Variants in SLC35F3 observed in about 807,000 individuals in gnomAD.
SLC35F3 encodes solute carrier family 35 member F3.
SLC35F3 carries 25 observed loss-of-function variants against 49.9 expected under a neutral mutation model. The ratio of observed to expected loss-of-function variants is 0.50; its 90% CI spans 0.37 to 0.70. The LOEUF (loss-of-function observed/expected upper bound fraction) is 0.70. Ranked by LOEUF, SLC35F3 falls within the 30% of genes least tolerant of loss-of-function variation. The pLI is 0.00. For missense variants in SLC35F3, 525 were observed against 639.8 expected (o/e 0.82, Z 1.94); for synonymous variants, 275 against 265.4 (o/e 1.04, Z -0.35).
intron 2 of SLC35F3, among the ~76,000 whole-genome samples, chr1:234,012,349 G>A (rs2102838264): frequency 6.6e-6 from 1 of 152,318 alleles, no homozygotes; most frequent in Non-Finnish European, 1.5e-5. Context: ...AACTGCAAGA[G>A]GCTTTCCTCT....
intron 2 of SLC35F3, among the ~76,000 whole-genome samples, chr1:233,959,130 G>A (rs10910316): frequency 0.2 from 31,006 of 151,926 alleles, 3,353 homozygotes; most frequent in East Asian, 0.37. Context: ...ATTGACCTTT[G>A]TGTGTTTGAG....
intron 2 of SLC35F3, among the ~76,000 whole-genome samples, chr1:233,993,177 G>T (rs988192401): frequency 1.3e-5 from 2 of 152,234 alleles, no homozygotes; most frequent in African/African-American, 4.8e-5. Flanking sequence ...ATGTTAGCCA[G>T]GCTGGTCTCG....
rs561959883 is a variant in SLC35F3 at position 234,139,566 on chromosome 1, G to A, written c.284-91851G>A. On this transcript the variant is annotated intron_variant, in intron 2 of 7. Coordinates refer to ENST00000366618, the MANE Select transcript of SLC35F3 (RefSeq NM_173508.4). ...CCCATGCGTAAAAAAGAATACAGTC[G>A]TCCCCACTTATCCTTGGTTTCACTT... is the stretch of plus-strand genomic sequence containing the variant. Among the ~76,000 whole-genome samples the A allele has an allele frequency of 1.6e-4, 25 of 152,104 alleles. 1 individual carries two copies. In the South Asian group the frequency reaches 5.0e-3, roughly 30 times the overall value.
chr1:234,002,023 C>T (rs184158706), intron 2 of SLC35F3, among the ~76,000 whole-genome samples: 10 of 152,324 alleles, frequency 6.6e-5, no homozygotes, highest in Admixed American at 2.0e-4. Flanking sequence ...TGTAGGAGGA[C>T]CAGCCTCTGC....
intron 2 of SLC35F3, among the ~76,000 whole-genome samples, chr1:234,112,700 C>T (rs1665426629): frequency 2.2e-5 from 3 of 134,728 alleles, no homozygotes; most frequent in African/African-American, 2.7e-5. Flanking sequence ...GGACTACAGG[C>T]GTCCGCCACC....
chr1:234,063,816 C>T (rs1362333791), intron 2 of SLC35F3, among the ~76,000 whole-genome samples: 1 of 152,116 alleles, frequency 6.6e-6, no homozygotes, highest in Non-Finnish European at 1.5e-5. Flanking sequence ...GCATGGAGGA[C>T]TAGGCAGAAA....
intron 2 of SLC35F3, among the ~76,000 whole-genome samples, chr1:234,168,983 G>T (rs1342669984): frequency 1.3e-5 from 2 of 152,178 alleles, no homozygotes; most frequent in Non-Finnish European, 2.9e-5. Flanking sequence ...AAGCTAGAGT[G>T]CTAGGAAAGC....
intron 2 of SLC35F3, among the ~76,000 whole-genome samples, chr1:233,970,495 A>T (rs1483047532): frequency 6.6e-6 from 1 of 152,176 alleles, no homozygotes; most frequent in Non-Finnish European, 1.5e-5. Flanking sequence ...AAGGACATGA[A>T]TTTAGGGGGC....
intron 2 of SLC35F3, among the ~76,000 whole-genome samples, chr1:234,221,750 A>T (rs1002613445): frequency 2.0e-5 from 3 of 152,200 alleles, no homozygotes; most frequent in Admixed American, 2.0e-4. Context: ...AGGACATTCA[A>T]GTGTCATTTT....
chr1:233,939,431 G>A (rs1433085290), intron 2 of SLC35F3, among the ~76,000 whole-genome samples: 1 of 152,154 alleles, frequency 6.6e-6, no homozygotes. Context: ...CTCCAGCCTG[G>A]GTGACAGAGC....
At chr1:234,221,581 C>T (rs1267922195) in intron 2 of SLC35F3, among the ~76,000 whole-genome samples, 1 of 152,158 alleles carries the variant, frequency 6.6e-6, no homozygotes. Flanking sequence ...GGACTGAAGA[C>T]TTGAAGAGGT....
At chr1:234,314,059 CAG>C (rs1253964340) in intron 4 of SLC35F3, among the ~76,000 whole-genome samples, 1 of 152,132 alleles carries the variant, frequency 6.6e-6, no homozygotes, top group African/African-American at 2.4e-5. Flanking sequence ...TGCTGATGTC[CAG>C]AGAGTGGAAG....
intron 2 of SLC35F3, among the ~76,000 whole-genome samples, chr1:234,206,619 A>G (rs577344128): frequency 4.6e-4 from 70 of 152,250 alleles, no homozygotes; most frequent in African/African-American, 1.6e-3. Flanking sequence ...TCACTCAACA[A>G]TGATTATTGA....
chr1:234,061,624 T>G (rs544130445), intron 2 of SLC35F3, among the ~76,000 whole-genome samples: 1 of 152,292 alleles, frequency 6.6e-6, no homozygotes, highest in South Asian at 2.1e-4. Context: ...ACAACTTTTC[T>G]GAGTCTCTGC....
intron 2 of SLC35F3, among the ~76,000 whole-genome samples, chr1:234,028,613 A>G (rs74329634): frequency 0.033 from 4,993 of 152,308 alleles, 257 homozygotes; most frequent in African/African-American, 0.11. Flanking sequence ...GTTTTAAGAA[A>G]AGAAAGTCGT....
rs188599506 is a variant in SLC35F3 at position 233,953,482 on chromosome 1, C to T, written c.283+47724C>T. The stretch of plus-strand genomic sequence containing the variant: ...GAACAGTTAGGTTAGAATGAGAGAC[C>T]GGGAGACACTTTGTAAAGGTATTGC... On this transcript the variant is annotated intron_variant, in intron 2 of 7. Coordinates refer to ENST00000366618, the MANE Select transcript of SLC35F3 (RefSeq NM_173508.4). Among the ~76,000 whole-genome samples, 303 of 152,198 alleles carry T rather than the reference C, an allele frequency of 2.0e-3. 3 individuals are homozygous for T. The highest frequency in any genetic ancestry group is 6.6e-3 in the African/African-American group (273 of 41,514).
At chr1:234,038,972 G>A (rs1490718745) in intron 2 of SLC35F3, among the ~76,000 whole-genome samples, 2 of 152,198 alleles carry the variant, frequency 1.3e-5, no homozygotes, top group Non-Finnish European at 2.9e-5. Context: ...AAGCTGTGAG[G>A]AAAGCATGGA....
At chr1:234,163,299 G>A (rs1435447663) in intron 2 of SLC35F3, among the ~76,000 whole-genome samples, 1 of 152,212 alleles carries the variant, frequency 6.6e-6, no homozygotes, top group Non-Finnish European at 1.5e-5. Flanking sequence ...CCTCGGTGAT[G>A]CAGTGCACCT....
At chr1:233,932,019 C>A (rs1008696122) in intron 2 of SLC35F3, among the ~76,000 whole-genome samples, 1 of 152,168 alleles carries the variant, frequency 6.6e-6, no homozygotes. Context: ...TGGAAACTAT[C>A]ATTCTGAGCA....
Sources: allele counts gnomAD v4.1 joint callset (sites outside exome capture counted in the v4.1 genomes callset), GRCh38; gene constraint gnomAD v4.1.1; transcripts MANE v1.5; gene names NCBI Gene and HGNC (gene_info 2026-07-23, HGNC 2026-07-21).